The following ZBTB20 variants were observed in gnomAD, a reference collection of about 807,000 sequenced individuals.
ZBTB20 encodes zinc finger and BTB domain-containing protein 20.
ZBTB20 carries 9 observed loss-of-function variants against 56.9 expected under a neutral mutation model. That is an observed-to-expected ratio of 0.16 (90% CI 0.10 to 0.28). The LOEUF (loss-of-function observed/expected upper bound fraction) is 0.28. Ranked by LOEUF, ZBTB20 falls within the 10% of genes least tolerant of loss-of-function variation. The pLI, the probability that ZBTB20 is intolerant of heterozygous loss-of-function variation, is 1.00. For missense variants in ZBTB20, 655 were observed against 1,003.0 expected, an observed-to-expected ratio of 0.65 and a Z score of 4.69; for synonymous variants, 417 against 420.7, an observed-to-expected ratio of 0.99 and a Z score of 0.11.
chr3:114,907,126 A>C (rs2075349392), intron 3 of ZBTB20, among the ~76,000 whole-genome samples: 1 of 151,852 alleles, frequency 6.6e-6, no homozygotes, highest in Non-Finnish European at 1.5e-5. Context: ...TAATAAAGTA[A>C]CAGCATATCC....
intron 6 of ZBTB20, among the ~76,000 whole-genome samples, chr3:114,527,515 T>C (rs762682677): frequency 1.3e-5 from 2 of 152,212 alleles, no homozygotes; most frequent in African/African-American, 2.4e-5. Context: ...GGTTTTTATA[T>C]ATGTTCAGCT....
At chr3:114,557,117 C>T (rs1299506071) in intron 6 of ZBTB20, among the ~76,000 whole-genome samples, 2 of 151,922 alleles carry the variant, frequency 1.3e-5, no homozygotes, top group African/African-American at 2.4e-5. Context: ...AGATTAACAA[C>T]CAGTTTTATT....
chr3:114,506,927 T>G (rs1304982650), intron 6 of ZBTB20, among the ~76,000 whole-genome samples: 1 of 152,176 alleles, frequency 6.6e-6, no homozygotes, highest in Non-Finnish European at 1.5e-5. Flanking sequence ...CGGTTCACAC[T>G]TGAATCTCCC....
At chr3:114,934,382 C>T (rs2107819113) in intron 3 of ZBTB20, among the ~76,000 whole-genome samples, 1 of 152,304 alleles carries the variant, frequency 6.6e-6, no homozygotes, top group South Asian at 2.1e-4. Flanking sequence ...TCTGAAATCG[C>T]TCATTCCTTT....
At chr3:115,114,218 G>A (rs565103308) in intron 1 of ZBTB20, among the ~76,000 whole-genome samples, 5 of 151,980 alleles carry the variant, frequency 3.3e-5, no homozygotes, top group South Asian at 2.1e-4. Flanking sequence ...CATTCTCTAC[G>A]TCTTGGCTTG....
At chr3:114,995,912 T>A (rs1648189911) in intron 2 of ZBTB20, among the ~76,000 whole-genome samples, 1 of 151,818 alleles carries the variant, frequency 6.6e-6, no homozygotes, top group Admixed American at 6.6e-5. Context: ...CCATCTCCCC[T>A]TTACCTTCTC....
chr3:114,484,267 A>G (rs1368908466), intron 7 of ZBTB20, among the ~76,000 whole-genome samples: 1 of 152,190 alleles, frequency 6.6e-6, no homozygotes, highest in Non-Finnish European at 1.5e-5. Flanking sequence ...GTTTTGATCA[A>G]CACTGTCGGA....
At chr3:114,977,651 T>C (rs2078158120) in intron 2 of ZBTB20, among the ~76,000 whole-genome samples, 1 of 152,040 alleles carries the variant, frequency 6.6e-6, no homozygotes, top group Admixed American at 6.6e-5. Flanking sequence ...ATCAGGTCAA[T>C]AAAACTCAAT....
intron 5 of ZBTB20, among the ~76,000 whole-genome samples, chr3:114,772,896 C>T (rs1288439412): frequency 6.6e-6 from 1 of 152,084 alleles, no homozygotes; most frequent in Non-Finnish European, 1.5e-5. Flanking sequence ...GGAGAGTATC[C>T]TAGATTATCC....
intron 5 of ZBTB20, among the ~76,000 whole-genome samples, chr3:114,699,942 A>T (rs189709546): frequency 3.0e-4 from 45 of 152,246 alleles, no homozygotes; most frequent in African/African-American, 1.0e-3. Context: ...GACTAAATCA[A>T]AGTTGTATAA....
chr3:114,880,436 C>T (rs1298152364), intron 4 of ZBTB20, among the ~76,000 whole-genome samples: 2 of 152,002 alleles, frequency 1.3e-5, no homozygotes, highest in African/African-American at 4.8e-5. Flanking sequence ...AGTTTTATGC[C>T]AAGAACTGAT....
chr3:114,400,324 T>G (rs1226493214), intron 7 of ZBTB20, among the ~76,000 whole-genome samples: 1 of 152,196 alleles, frequency 6.6e-6, no homozygotes, highest in Non-Finnish European at 1.5e-5. Flanking sequence ...CAATAATGTA[T>G]GCTTTGCCTA....
Position 114,339,647 on chromosome 3 carries a change from T to A in ZBTB20, c.1805-221A>T, listed in dbSNP as rs1259827452. ...TTATGGTGATGCCAGGACAGTTTTG[T>A]TTTCCATTTCCCTGTGCCATAAAAC... On this transcript the variant is annotated intron_variant, in intron 11 of 11. Transcript: ENST00000675478. This position sits in a 1 kb window ranked among gnomAD's most constrained non-coding sequence, Gnocchi z 4.2. 6.6e-6 allele frequency among the ~76,000 whole-genome samples: 1 copy of A among 152,224 alleles called. No individual in the cohort carries two copies. The highest frequency in any genetic ancestry group is 1.5e-5 in the Non-Finnish European group (1 of 68,044).
chr3:114,916,306 C>A (rs1032817019), intron 3 of ZBTB20, among the ~76,000 whole-genome samples: 1 of 152,012 alleles, frequency 6.6e-6, no homozygotes, highest in African/African-American at 2.4e-5. Context: ...TACATAGTGA[C>A]CTTCTTTATC....
At chr3:114,552,099 C>A (rs2050659835) in intron 6 of ZBTB20, among the ~76,000 whole-genome samples, 1 of 152,136 alleles carries the variant, frequency 6.6e-6, no homozygotes, top group African/African-American at 2.4e-5. Flanking sequence ...TCTATAATCT[C>A]AGCTACTCAG....
intron 6 of ZBTB20, chr3:114,527,452 C>T (rs1577306746): frequency 6.6e-6 from 1 of 152,212 alleles, no homozygotes; most frequent in Non-Finnish European, 1.5e-5. Flanking sequence ...CATACTCACA[C>T]ATCCAGATAC....
intron 5 of ZBTB20, among the ~76,000 whole-genome samples, chr3:114,790,048 A>G (rs1198805520): frequency 6.6e-6 from 1 of 152,114 alleles, no homozygotes; most frequent in Non-Finnish European, 1.5e-5. Context: ...AACAAGAACT[A>G]GTACCAACTA....
At chr3:114,815,391 G>A (rs2072844298) in intron 4 of ZBTB20, among the ~76,000 whole-genome samples, 1 of 152,126 alleles carries the variant, frequency 6.6e-6, no homozygotes, top group African/African-American at 2.4e-5. Context: ...AGCATCAATA[G>A]TCTGATGACA....
intron 1 of ZBTB20, among the ~76,000 whole-genome samples, chr3:115,108,734 T>C (rs1009699368): frequency 3.2e-4 from 49 of 152,238 alleles, no homozygotes; most frequent in African/African-American, 1.2e-3. Context: ...ATTACCGGAG[T>C]TCCTCGGAGT....
Sources: gnomAD v4.1 joint callset for allele counts (sites outside exome capture counted in the v4.1 genomes callset) on GRCh38, gnomAD v4.1.1 for gene constraint, Gnocchi (gnomAD v3.1) non-coding constraint, MANE v1.5 for transcripts, NCBI Gene and HGNC (gene_info 2026-07-23, HGNC 2026-07-21) for gene names.